Variants in SLC35F1 observed in about 807,000 individuals in gnomAD.
SLC35F1 encodes the protein chromosome 6 open reading frame 169.
In SLC35F1, 14 loss-of-function variants were observed where a neutral mutation model predicts 48.7. The ratio of observed to expected loss-of-function variants is 0.29; its 90% CI spans 0.19 to 0.45. The LOEUF is 0.45. Among genes scored for constraint, SLC35F1 ranks in the 20% least tolerant of loss-of-function variants. SLC35F1 has a pLI of 1.00. For synonymous variants in SLC35F1, 190 were observed against 202.2 expected (o/e 0.94, Z 0.51); for missense variants, 404 against 500.0 (o/e 0.81, Z 1.83).
intron 2 of SLC35F1, among the ~76,000 whole-genome samples, chr6:118,168,683 A>G (rs1774355126): frequency 6.6e-6 from 1 of 152,114 alleles, no homozygotes; most frequent in East Asian, 1.9e-4. Context: ...ACAGCAACTG[A>G]CTTCAGACCC....
chr6:118,055,556 T>TTC (rs1412490059), intron 1 of SLC35F1, among the ~76,000 whole-genome samples: 1 of 152,244 alleles, frequency 6.6e-6, no homozygotes, highest in Non-Finnish European at 1.5e-5. Context: ...GTCAAAGAAC[T>TTC]GGGCTAAAGC....
intron 1 of SLC35F1, among the ~76,000 whole-genome samples, chr6:118,062,148 T>A (rs1772550503): frequency 2.0e-5 from 3 of 152,192 alleles, no homozygotes; most frequent in African/African-American, 7.2e-5. Context: ...TACCAATTTG[T>A]CTGCAGAATC....
At chr6:118,312,245 TTAA>T (rs1776380362) in intron 7 of SLC35F1, among the ~76,000 whole-genome samples, 1 of 152,182 alleles carries the variant, frequency 6.6e-6, no homozygotes, top group Admixed American at 6.5e-5. Context: ...GTGAAAGTAA[TTAA>T]TAAAATATTT....
intron 2 of SLC35F1, among the ~76,000 whole-genome samples, chr6:118,182,644 G>A (rs1396470260): frequency 2.0e-5 from 3 of 151,958 alleles, no homozygotes; most frequent in Non-Finnish European, 4.4e-5. Flanking sequence ...GGTGGGAGGA[G>A]GATTGCATGA....
At chr6:118,203,757 A>G (rs907072810) in intron 2 of SLC35F1, among the ~76,000 whole-genome samples, 2 of 152,184 alleles carry the variant, frequency 1.3e-5, no homozygotes, top group African/African-American at 4.8e-5. Flanking sequence ...CACTATGGCA[A>G]CTATACATGC....
chr6:118,159,586 C>T (rs753214282), intron 2 of SLC35F1, among the ~76,000 whole-genome samples: 19 of 152,062 alleles, frequency 1.2e-4, no homozygotes, highest in African/African-American at 2.7e-4. Flanking sequence ...TAAAATTCCA[C>T]GTAATTACAG....
At chr6:117,911,404 T>G (rs969415847) in intron 1 of SLC35F1, among the ~76,000 whole-genome samples, 1 of 12,648 alleles carries the variant, frequency 7.9e-5, no homozygotes, top group Non-Finnish European at 1.5e-4. Context: ...TCCCCTCCCC[T>G]CCCTCCCTCC....
At chr6:118,236,883 T>A (rs570132939) in intron 3 of SLC35F1, among the ~76,000 whole-genome samples, 4 of 152,374 alleles carry the variant, frequency 2.6e-5, no homozygotes, top group Non-Finnish European at 4.4e-5. Flanking sequence ...TTCTGCCTCT[T>A]GGCACTTGCC....
At chr6:118,215,513 T>C (rs1365522928) in intron 2 of SLC35F1, among the ~76,000 whole-genome samples, 3 of 150,854 alleles carry the variant, frequency 2.0e-5, no homozygotes, top group Non-Finnish European at 4.4e-5. Flanking sequence ...TCATGAGTGT[T>C]TTAGTATGAA....
intron 1 of SLC35F1, among the ~76,000 whole-genome samples, chr6:117,940,902 G>C (rs1435451243): frequency 6.6e-6 from 1 of 152,140 alleles, no homozygotes; most frequent in African/African-American, 2.4e-5. Context: ...ACCCACCTGG[G>C]CCTCTCAAAA....
chr6:118,261,496 C>A (rs1775711647), intron 3 of SLC35F1, among the ~76,000 whole-genome samples: 1 of 152,114 alleles, frequency 6.6e-6, no homozygotes, highest in South Asian at 2.1e-4. Flanking sequence ...AATTAAAGTG[C>A]ACAGTGTCAG....
chr6:118,147,812 T>C (rs1773998063), intron 1 of SLC35F1, among the ~76,000 whole-genome samples: 1 of 152,178 alleles, frequency 6.6e-6, no homozygotes, highest in African/African-American at 2.4e-5. Context: ...TTGGTTTCTC[T>C]TATCTAATTA....
At chr6:118,066,733 A>G in intron 1 of SLC35F1, among the ~76,000 whole-genome samples, 1 of 150,268 alleles carries the variant, frequency 6.7e-6, no homozygotes, top group Non-Finnish European at 1.5e-5. Flanking sequence ...TATCTAAGGC[A>G]GTAGTTCTTT....
At chr6:117,998,857 T>C in intron 1 of SLC35F1, 1 of 589,296 alleles carries the variant, frequency 1.7e-6, no homozygotes, top group Non-Finnish European at 3.0e-6. Flanking sequence ...AACATCACAA[T>C]TAAAAGAACT....
intron 6 of SLC35F1, among the ~76,000 whole-genome samples, chr6:118,281,666 C>T (rs1775986447): frequency 6.6e-6 from 1 of 152,180 alleles, no homozygotes; most frequent in South Asian, 2.1e-4. Context: ...AATGTGGCCT[C>T]CCTCTTGTAT....
At chr6:117,963,947 T>C (rs1338365464) in intron 1 of SLC35F1, among the ~76,000 whole-genome samples, 1 of 152,186 alleles carries the variant, frequency 6.6e-6, no homozygotes, top group Non-Finnish European at 1.5e-5. Context: ...ATGCATTAAG[T>C]ATTTATCCTG....
chr6:117,943,700 T>G (rs9489285), intron 1 of SLC35F1, among the ~76,000 whole-genome samples: 23,734 of 152,226 alleles, frequency 0.16, 2,970 homozygotes, highest in African/African-American at 0.34. Context: ...TGAGGACTAC[T>G]GGCCAGATCC....
chr6:117,951,179 A>G (rs956874680), intron 1 of SLC35F1, among the ~76,000 whole-genome samples: 3 of 152,200 alleles, frequency 2.0e-5, no homozygotes, highest in African/African-American at 7.2e-5. Flanking sequence ...TCCAGAATGT[A>G]CTGAGGGAGC....
At chr6:117,975,016 GAA>G (rs1776688270) in intron 1 of SLC35F1, among the ~76,000 whole-genome samples, 1 of 152,214 alleles carries the variant, frequency 6.6e-6, no homozygotes, top group South Asian at 2.1e-4. Flanking sequence ...TGGACTTCTT[GAA>G]AGGATCTTAG....
Sources: gnomAD v4.1 joint callset for allele counts (sites outside exome capture counted in the v4.1 genomes callset) on GRCh38, gnomAD v4.1.1 for gene constraint, MANE v1.5 for transcripts, NCBI Gene and HGNC (gene_info 2026-07-23, HGNC 2026-07-21) for gene names.